KIN: variants seen among roughly 807,000 people sequenced by gnomAD.
The protein encoded by KIN is DNA/RNA-binding protein KIN17.
Under a neutral mutation model 63.0 loss-of-function variants are expected in KIN, and 47 were observed. The observed-to-expected ratio is 0.75, with a 90% CI of 0.59 to 0.95. The LOEUF (loss-of-function observed/expected upper bound fraction) is 0.95. Ranked by LOEUF, KIN falls within the 40% of genes least tolerant of loss-of-function variation. The probability of loss-of-function intolerance (pLI) is 0.00; values close to 1 mark genes in which losing one functional copy is unlikely to be tolerated. For missense variants in KIN, 408 were observed against 460.9 expected (o/e 0.89, Z 1.05); for synonymous variants, 160 against 157.7 (o/e 1.01, Z -0.11).
At chr10:7,757,696 A>G (rs1011024588) in intron 12 of KIN, among the ~76,000 whole-genome samples, 11 of 152,234 alleles carry the variant, frequency 7.2e-5, no homozygotes, top group Middle Eastern at 3.4e-3. Flanking sequence ...TATCATATTT[A>G]AAGGAATTAA....
chr10:7,786,964 T>C (rs1263319048), intron 1 of KIN, among the ~76,000 whole-genome samples: 2 of 152,214 alleles, frequency 1.3e-5, no homozygotes, highest in African/African-American at 4.8e-5. Context: ...CTCAGTGTTC[T>C]TCCACCCTTA....
chr10:7,756,499 C>T (rs998515795), intron 12 of KIN, among the ~76,000 whole-genome samples: 2 of 152,156 alleles, frequency 1.3e-5, no homozygotes, highest in African/African-American at 2.4e-5. Context: ...ACAGAAGTGA[C>T]GGTCCAGACG....
At chr10:7,776,415 G>A (rs552984014) in intron 5 of KIN, among the ~76,000 whole-genome samples, 9 of 146,898 alleles carry the variant, frequency 6.1e-5, no homozygotes, top group African/African-American at 1.0e-4. Flanking sequence ...GATGGCGGGC[G>A]CCTGTAATGC....
chr10:7,776,732 CAA>C (rs779355865), intron 5 of KIN, among the ~76,000 whole-genome samples: 8 of 84,006 alleles, frequency 9.5e-5, no homozygotes, highest in Non-Finnish European at 4.4e-5. Context: ...GACTCTGTCT[CAA>C]AAAAAAAAAA....
intron 2 of KIN, among the ~76,000 whole-genome samples, chr10:7,780,687 C>T (rs1197642277): frequency 6.6e-6 from 1 of 152,198 alleles, no homozygotes; most frequent in Non-Finnish European, 1.5e-5. Flanking sequence ...AGGCGTGAGC[C>T]ACTGCATCTA....
rs1835615077 is a variant in KIN at position 7,769,202 on chromosome 10, T to C, written c.798+14A>G. 1.2e-6 allele frequency: 2 copies of C among 1,601,248 alleles called. No individual in the cohort carries two copies. The highest frequency in any genetic ancestry group is 8.5e-7 in the Non-Finnish European group (1 of 1,176,074). ...TGGGTTCTAAGGTGTCCACACGCAATCCATAAACTGTACCTCCATGATTTC... is the reference window on the plus strand; with the variant it reads ...TGGGTTCTAAGGTGTCCACACGCAACCCATAAACTGTACCTCCATGATTTC... On this transcript the variant is annotated intron_variant, in intron 8 of 12. Coordinates refer to ENST00000379562, the MANE Select transcript of KIN (RefSeq NM_012311.4).
chr10:7,763,941 C>A, intron 9 of KIN, 150 bp from the exon 10 acceptor site: 1 of 524,240 alleles, frequency 1.9e-6, no homozygotes, highest in Non-Finnish European at 3.3e-6. Flanking sequence ...GCCTTCCCAA[C>A]AATGACAAAC....
intron 2 of KIN, among the ~76,000 whole-genome samples, chr10:7,782,644 G>A (rs778741969): frequency 6.6e-6 from 1 of 151,930 alleles, no homozygotes; most frequent in African/African-American, 2.4e-5. Flanking sequence ...TGATCCACCC[G>A]CCTCAGCCTC....
chr10:7,773,955 A>G (rs1045419836), intron 7 of KIN, among the ~76,000 whole-genome samples: 1 of 152,226 alleles, frequency 6.6e-6, no homozygotes, highest in Non-Finnish European at 1.5e-5. Flanking sequence ...AGGTAGAACT[A>G]CCTGACCACA....
intron 5 of KIN, among the ~76,000 whole-genome samples, chr10:7,777,902 C>G (rs1024759407): frequency 2.4e-5 from 3 of 123,560 alleles, no homozygotes; most frequent in East Asian, 4.2e-4. Context: ...CCGTCCCCCC[C>G]CCAAAAAAAA....
At chr10:7,769,567 G>C (rs1835625286) in intron 7 of KIN, among the ~76,000 whole-genome samples, 1 of 152,094 alleles carries the variant, frequency 6.6e-6, no homozygotes, top group South Asian at 2.1e-4. Flanking sequence ...AGCACTGTGT[G>C]AGCATTTAAC....
intron 9 of KIN, among the ~76,000 whole-genome samples, chr10:7,764,112 C>T (rs1462937320): frequency 2.0e-5 from 3 of 152,150 alleles, no homozygotes; most frequent in African/African-American, 4.8e-5. Flanking sequence ...TAGTACTTCA[C>T]GTCTTTCGTA....
intron 5 of KIN, among the ~76,000 whole-genome samples, chr10:7,777,380 T>C (rs995780985): frequency 6.6e-6 from 1 of 152,182 alleles, no homozygotes. Context: ...TCTGGGATAC[T>C]AGAAAAGTTC....
At chr10:7,765,963 T>G (rs1329122093) in intron 9 of KIN, 90 bp downstream of exon 9, 2 of 873,588 alleles carry the variant, frequency 2.3e-6, no homozygotes, top group South Asian at 1.5e-5. Context: ...TATACGTGTT[T>G]GAAAAGTTTA....
intron 12 of KIN, among the ~76,000 whole-genome samples, chr10:7,757,745 T>G (rs1835359973): frequency 6.6e-6 from 1 of 152,102 alleles, no homozygotes; most frequent in Admixed American, 6.5e-5. Context: ...GATTTTTCAT[T>G]ATCATGTTTA....
chr10:7,769,384 T>C (rs1457189985), intron 7 of KIN, 39 bp from the exon 8 acceptor site: 2 of 1,589,288 alleles, frequency 1.3e-6, no homozygotes, highest in South Asian at 1.2e-5. Flanking sequence ...CCAAGAACCA[T>C]ACACAGACGA....
intron 11 of KIN, 29 bp downstream of exon 11, chr10:7,762,428 T>C: frequency 8.1e-7 from 1 of 1,237,492 alleles, no homozygotes; most frequent in Non-Finnish European, 1.2e-6. Context: ...TGATGGCATA[T>C]GTATTAAATG....
At position 7,758,691 on chromosome 10, in the gene KIN, A is replaced by C. The variant is rs1382818983; in HGVS notation, c.1119+1199T>G. Among the ~76,000 whole-genome samples the C allele has an allele frequency of 2.7e-5, 4 of 146,792 alleles. No homozygotes were observed. In the Admixed American group the frequency reaches 2.7e-4, roughly 10 times the overall value. On this transcript the variant is annotated intron_variant, in intron 12 of 12. Transcript: ENST00000379562. Reference sequence around the variant, plus strand: ...TGGTCCATGCAAAAAAAAAAAAAAAAGAAATTAATAAGGGAAGGATAAGCA... The same window carrying C: ...TGGTCCATGCAAAAAAAAAAAAAAACGAAATTAATAAGGGAAGGATAAGCA...
Position 7,783,150 on chromosome 10 carries a change from G to T in KIN, c.140C>A (p.Ser47Tyr). The change falls in exon 2 of 13, where the codon TCC becomes TAC. Residue 47 changes from serine (S) to tyrosine (Y), a missense_variant. Physicochemically the swap from Ser to Tyr is moderately radical, Grantham distance 144. Around this residue, in one of 2 missense-constraint regions of KIN, gnomAD observed 110 missense variants for 164.9 expected, o/e 0.67. Coordinates refer to ENST00000379562, the MANE Select transcript of KIN (RefSeq NM_012311.4). Reference sequence around the variant, plus strand: ...CAATAGTTGTCTCTGATGAGATTCGGACATACAATGACACTTAAAGCCATT... The same window carrying T: ...CAATAGTTGTCTCTGATGAGATTCGTACATACAATGACACTTAAAGCCATT... ...DENGFKCHCM[S>Y]ESHQRQLLLA... The T allele has an allele frequency of 6.3e-7, 1 of 1,594,188 alleles. No homozygotes were observed. Among genetic ancestry groups the T allele is most frequent in the Non-Finnish European group, 8.5e-7 (1 of 1,169,934 alleles).
Sources: gnomAD v4.1 joint callset for allele counts (sites outside exome capture counted in the v4.1 genomes callset) on GRCh38, gnomAD v4.1.1 for gene constraint, gnomAD v4.1.1 regional missense constraint, MANE v1.5 for transcripts, NCBI Gene and HGNC (gene_info 2026-07-23, HGNC 2026-07-21) for gene names.